CSMD1: variants seen among roughly 807,000 people sequenced by gnomAD.
CSMD1 encodes the protein CUB and sushi domain-containing protein 1.
CSMD1 carries 213 observed loss-of-function variants against 417.5 expected under a neutral mutation model. The ratio of observed to expected loss-of-function variants is 0.51; its 90% CI spans 0.46 to 0.57. The LOEUF (loss-of-function observed/expected upper bound fraction) is 0.57, where lower values mean the gene tolerates loss of function less well. Ranked by LOEUF, CSMD1 falls within the 20% of genes least tolerant of loss-of-function variation. CSMD1 has a pLI of 0.00. For synonymous variants in CSMD1, 2,862 were observed against 1,736.8 expected, an observed-to-expected ratio of 1.65 and a Z score of -16.11; for missense variants, 6,923 against 4,529.7, an observed-to-expected ratio of 1.53 and a Z score of -15.17.
intron 1 of CSMD1, among the ~76,000 whole-genome samples, chr8:4,739,747 C>T (rs1314216830): frequency 6.6e-6 from 1 of 152,068 alleles, no homozygotes; most frequent in Non-Finnish European, 1.5e-5. Context: ...GCTCCCTATC[C>T]CTTCCCACAA....
intron 3 of CSMD1, among the ~76,000 whole-genome samples, chr8:4,079,030 A>G (rs1416023090): frequency 1.3e-5 from 2 of 150,974 alleles, no homozygotes; most frequent in Non-Finnish European, 2.9e-5. Context: ...TGTTGTGTCC[A>G]GGTATGGACC....
intron 1 of CSMD1, among the ~76,000 whole-genome samples, chr8:4,685,581 G>C (rs13269425): frequency 6.6e-6 from 1 of 150,696 alleles, no homozygotes; most frequent in Admixed American, 6.6e-5. Flanking sequence ...TTCTTTAAAA[G>C]AAAAAAAGAA....
intron 10 of CSMD1, among the ~76,000 whole-genome samples, chr8:3,547,616 T>C (rs567169188): frequency 1.4e-3 from 215 of 152,356 alleles, no homozygotes; most frequent in Non-Finnish European, 2.6e-3. Flanking sequence ...TTAAGTTTAC[T>C]ATTTTGTATT....
chr8:4,897,733 T>C (rs1804596993), intron 1 of CSMD1, among the ~76,000 whole-genome samples: 1 of 152,114 alleles, frequency 6.6e-6, no homozygotes, highest in South Asian at 2.1e-4. Flanking sequence ...GAAGAATAAA[T>C]TCTACTCATC....
intron 3 of CSMD1, among the ~76,000 whole-genome samples, chr8:4,188,508 T>G (rs1584986545): frequency 6.6e-6 from 1 of 152,102 alleles, no homozygotes; most frequent in South Asian, 2.1e-4. Context: ...TCACAAAAGA[T>G]GACTTGCAAA....
At chr8:4,668,750 G>T (rs2130940786) in intron 1 of CSMD1, among the ~76,000 whole-genome samples, 1 of 152,154 alleles carries the variant, frequency 6.6e-6, no homozygotes, top group South Asian at 2.1e-4. Context: ...CCTCTCTCTA[G>T]ATAGTTTTCC....
chr8:3,496,504 T>C (rs1476652911), intron 10 of CSMD1, among the ~76,000 whole-genome samples: 2 of 152,234 alleles, frequency 1.3e-5, no homozygotes, highest in Non-Finnish European at 2.9e-5. Context: ...TTTAATGCTA[T>C]AAACTACCCT....
intron 5 of CSMD1, among the ~76,000 whole-genome samples, chr8:3,914,930 CACA>C (rs1180120157): frequency 2.0e-5 from 3 of 152,094 alleles, no homozygotes; most frequent in South Asian, 2.1e-4. Flanking sequence ...TTGAACTAAA[CACA>C]ACAACAACGA....
At chr8:3,991,328 C>G (rs940154) in intron 5 of CSMD1, among the ~76,000 whole-genome samples, 68,250 of 152,012 alleles carry the variant, frequency 0.45, 15,328 homozygotes, top group East Asian at 0.53. Flanking sequence ...TAGGTTGTGG[C>G]GTAGTCTGGG....
intron 52 of CSMD1, among the ~76,000 whole-genome samples, chr8:3,012,719 G>T (rs1292187199): frequency 2.0e-5 from 3 of 152,134 alleles, no homozygotes; most frequent in Admixed American, 2.0e-4. Flanking sequence ...AGATCCACCT[G>T]TTTAAAAATA....
chr8:4,858,127 T>A (rs1049224407), intron 1 of CSMD1, among the ~76,000 whole-genome samples: 66 of 151,052 alleles, frequency 4.4e-4, no homozygotes, highest in African/African-American at 1.5e-3. Context: ...AATCAATAAA[T>A]GTAATCCAGC....
intron 5 of CSMD1, among the ~76,000 whole-genome samples, chr8:3,891,683 A>C (rs1336025024): frequency 1.0e-5 from 1 of 97,020 alleles, no homozygotes; most frequent in African/African-American, 2.7e-5. Context: ...ACCTTGTCTC[A>C]AAACGAAAAA....
Position 2,978,623 on chromosome 8 carries a change from G to T in CSMD1, c.8555C>A (p.Pro2852His). 2 of 1,590,348 alleles carry T rather than the reference G, an allele frequency of 1.3e-6. No individual in the cohort carries two copies. Among genetic ancestry groups the T allele is most frequent in the East Asian group, 2.3e-5 (1 of 44,018 alleles). Residue 2852 changes from proline (P) to histidine (H), a missense_variant, in exon 55 of 70, where the codon CCC becomes CAC. Physicochemically the swap from Pro to His is moderately conservative, Grantham distance 77. Coordinates refer to ENST00000635120, the MANE Select transcript of CSMD1 (RefSeq NM_033225.6). ...TAACCCTGACTTACCCAAACACTTG[G>T]GCAGGGATCGGTCCCATAAGCCATT... ...MANGLWDRSL[P>H]KCLAISCGHP...
In CSMD1 at chr8:3,296,992, G is replaced by T. The variant is rs74328171; in HGVS notation, c.3950+10703C>A. ...ACAAAGAAATAGTTTATAAACTATA[G>T]GACTGGATGAAATCTTCGAAGTTCT... On this transcript the variant is annotated intron_variant, in intron 25 of 69. Coordinates refer to ENST00000635120, the MANE Select transcript of CSMD1 (RefSeq NM_033225.6). Among the ~76,000 whole-genome samples, 1,242 of 152,278 alleles carry T rather than the reference G, an allele frequency of 8.2e-3. 18 individuals carry two copies. The highest frequency in any genetic ancestry group is 0.029 in the African/African-American group (1,191 of 41,550).
At chr8:4,093,563 C>A (rs1453446353) in intron 3 of CSMD1, among the ~76,000 whole-genome samples, 1 of 152,030 alleles carries the variant, frequency 6.6e-6, no homozygotes, top group Non-Finnish European at 1.5e-5. Flanking sequence ...ATATAGAACA[C>A]CACATTGAAA....
At chr8:4,813,735 G>A (rs1051329808) in intron 1 of CSMD1, among the ~76,000 whole-genome samples, 2 of 152,240 alleles carry the variant, frequency 1.3e-5, no homozygotes, top group African/African-American at 2.4e-5. Flanking sequence ...ATAAACTACC[G>A]ACATACAGAC....
intron 1 of CSMD1, among the ~76,000 whole-genome samples, chr8:4,712,531 A>T (rs112090216): frequency 1.3e-5 from 2 of 152,176 alleles, no homozygotes; most frequent in Non-Finnish European, 2.9e-5. Flanking sequence ...TTATCCCTTT[A>T]TCAGAGCAAA....
chr8:4,696,302 T>C (rs1170968580), intron 1 of CSMD1, among the ~76,000 whole-genome samples: 2 of 152,220 alleles, frequency 1.3e-5, no homozygotes, highest in African/African-American at 2.4e-5. Context: ...TTTATTGGGA[T>C]ATTTGGTAGC....
intron 1 of CSMD1, among the ~76,000 whole-genome samples, chr8:4,765,201 A>T (rs777325078): frequency 9.9e-5 from 15 of 152,144 alleles, no homozygotes; most frequent in Non-Finnish European, 1.9e-4. Context: ...CTTCCGTCTC[A>T]TAAAAAAAAT....
Sources: gnomAD v4.1 joint callset for allele counts (sites outside exome capture counted in the v4.1 genomes callset) on GRCh38, gnomAD v4.1.1 for gene constraint, MANE v1.5 for transcripts, NCBI Gene and HGNC (gene_info 2026-07-23, HGNC 2026-07-21) for gene names.